The following PARN variants were observed in gnomAD, a reference collection of about 807,000 sequenced individuals.
PARN encodes the protein poly(A)-specific ribonuclease PARN.
A neutral mutation model predicts 102.8 loss-of-function variants in PARN; 71 were observed. That is an observed-to-expected ratio of 0.69 (90% CI 0.57 to 0.84). The LOEUF is 0.84. Ranked by LOEUF, PARN falls within the 40% of genes least tolerant of loss-of-function variation. The probability of loss-of-function intolerance (pLI) is 0.00; values close to 1 mark genes in which losing one functional copy is unlikely to be tolerated. For synonymous variants in PARN, 261 were observed against 252.9 expected, an observed-to-expected ratio of 1.03 and a Z score of -0.30; for missense variants, 782 against 760.9, an observed-to-expected ratio of 1.03 and a Z score of -0.33.
intron 21 of PARN, among the ~76,000 whole-genome samples, chr16:14,546,636 C>A (rs1966961517): frequency 6.6e-6 from 1 of 152,148 alleles, no homozygotes; most frequent in Non-Finnish European, 1.5e-5. Context: ...TTCAGAGACA[C>A]AATGTCCTAC....
chr16:14,439,206 T>A (rs1457715776), intron 23 of PARN, among the ~76,000 whole-genome samples: 1 of 152,008 alleles, frequency 6.6e-6, no homozygotes, highest in Non-Finnish European at 1.5e-5. Flanking sequence ...ACCCTGCCTC[T>A]ACAAAAAATT....
chr16:14,504,353 T>C (rs559466321), intron 21 of PARN, among the ~76,000 whole-genome samples: 2 of 151,848 alleles, frequency 1.3e-5, no homozygotes. Context: ...AGGTCAGGAG[T>C]TGGAGATCAG....
intron 5 of PARN, among the ~76,000 whole-genome samples, chr16:14,619,386 G>A (rs1342878975): frequency 4.0e-5 from 6 of 151,188 alleles, no homozygotes; most frequent in Admixed American, 3.3e-4. Flanking sequence ...CATCGCTGGA[G>A]CCCAGGAGTT....
chr16:14,563,407 T>C (rs1009826925), intron 18 of PARN, among the ~76,000 whole-genome samples: 9 of 152,108 alleles, frequency 5.9e-5, no homozygotes, highest in African/African-American at 2.2e-4. Flanking sequence ...ATGACAGATC[T>C]GGCTGGCAGG....
intron 21 of PARN, among the ~76,000 whole-genome samples, chr16:14,490,745 GTGTT>G (rs1339395693): frequency 2.6e-5 from 4 of 152,140 alleles, no homozygotes; most frequent in Non-Finnish European, 5.9e-5. Flanking sequence ...AGGTTGCTTT[GTGTT>G]TGTTTGCTTA....
intron 14 of PARN, 43 bp from the exon 15 acceptor site, chr16:14,584,834 GT>G (rs1214420927): frequency 9.3e-7 from 1 of 1,079,108 alleles, no homozygotes; most frequent in Non-Finnish European, 1.4e-6. Flanking sequence ...GTATATCAAT[GT>G]TTAAAATGTC....
chr16:14,567,954 A>G (rs1968527972), intron 18 of PARN, among the ~76,000 whole-genome samples: 1 of 152,222 alleles, frequency 6.6e-6, no homozygotes, highest in African/African-American at 2.4e-5. Flanking sequence ...AGATATCTAA[A>G]TTGCCATTCT....
At chr16:14,524,451 G>A (rs1177434658) in intron 21 of PARN, among the ~76,000 whole-genome samples, 1 of 152,174 alleles carries the variant, frequency 6.6e-6, no homozygotes, top group Non-Finnish European at 1.5e-5. Flanking sequence ...GCAGCATTAA[G>A]AGTGTTCGAT....
chr16:14,564,208 A>G (rs1968283435), intron 18 of PARN, among the ~76,000 whole-genome samples: 1 of 152,252 alleles, frequency 6.6e-6, no homozygotes, highest in African/African-American at 2.4e-5. Context: ...ATCCTAAACC[A>G]CTAGTCAAAG....
chr16:14,540,730 T>A (rs537981114), intron 21 of PARN, among the ~76,000 whole-genome samples: 1 of 152,052 alleles, frequency 6.6e-6, no homozygotes, highest in South Asian at 2.1e-4. Flanking sequence ...GGCAGGCAGG[T>A]GGCTTGAGCC....
At chr16:14,573,718 TAGTG>T (rs576514627) in intron 18 of PARN, among the ~76,000 whole-genome samples, 1 of 152,176 alleles carries the variant, frequency 6.6e-6, no homozygotes, top group African/African-American at 2.4e-5. Context: ...GTTATTTTGA[TAGTG>T]AGTGAGTCTC....
At chr16:14,612,205 G>A (rs894523678) in intron 6 of PARN, among the ~76,000 whole-genome samples, 3 of 152,138 alleles carry the variant, frequency 2.0e-5, no homozygotes, top group East Asian at 1.9e-4. Flanking sequence ...TTGAGAGGCC[G>A]AGGCGGGCGG....
intron 12 of PARN, among the ~76,000 whole-genome samples, chr16:14,596,788 C>CT (rs200386556): frequency 1.6e-3 from 222 of 135,644 alleles, no homozygotes; most frequent in Non-Finnish European, 1.7e-3. Flanking sequence ...TTTTTCTTTC[C>CT]TTTTTTTTTT....
chr16:14,626,879 AG>A, intron 5 of PARN, among the ~76,000 whole-genome samples: 1 of 151,960 alleles, frequency 6.6e-6, no homozygotes, highest in Admixed American at 6.6e-5. Context: ...GGCCTCCCAA[AG>A]TGCTGGGATT....
chr16:14,498,267 G>A, intron 21 of PARN, among the ~76,000 whole-genome samples: 1 of 152,142 alleles, frequency 6.6e-6, no homozygotes, highest in East Asian at 1.9e-4. Flanking sequence ...TAGCTCACCT[G>A]CGAGGTGAGT....
Position 14,630,170 on chromosome 16 carries a change from G to A in PARN, c.-45C>T, listed in dbSNP as rs1001488330. 2.1e-5 allele frequency: 32 copies of A among 1,535,698 alleles called. No homozygotes were observed. The East Asian group carries it at 7.4e-4, about 35-fold the overall frequency. ...CTTGGCCCCACCCGGGCCCGCGCCC[G>A]CCTCAGCGGTTCTACTCGCCGAATT... On this transcript the variant is annotated 5_prime_UTR_variant, in exon 1 of 24. Coordinates refer to ENST00000437198, the MANE Select transcript of PARN (RefSeq NM_002582.4).
At chr16:14,605,931 G>A (rs1971149955) in intron 10 of PARN, among the ~76,000 whole-genome samples, 2 of 152,140 alleles carry the variant, frequency 1.3e-5, no homozygotes, top group Admixed American at 1.3e-4. Flanking sequence ...AAGTTTACAA[G>A]GCATCACTTC....
At chr16:14,518,644 T>C (rs1272796041) in intron 21 of PARN, among the ~76,000 whole-genome samples, 1 of 151,972 alleles carries the variant, frequency 6.6e-6, no homozygotes, top group Non-Finnish European at 1.5e-5. Context: ...AGAAAAACAA[T>C]GGAAGGATGA....
chr16:14,452,254 AAAC>A (rs1961495834), intron 22 of PARN, among the ~76,000 whole-genome samples: 1 of 152,220 alleles, frequency 6.6e-6, no homozygotes, highest in Non-Finnish European at 1.5e-5. Context: ...TCCTCTCCAT[AAAC>A]AACTGACTGC....
Sources: gnomAD v4.1 joint callset for allele counts (sites outside exome capture counted in the v4.1 genomes callset) on GRCh38, gnomAD v4.1.1 for gene constraint, MANE v1.5 for transcripts, NCBI Gene and HGNC (gene_info 2026-07-23, HGNC 2026-07-21) for gene names.